Variants in PARD3B observed in about 807,000 individuals in gnomAD.
PARD3B encodes the protein partitioning defective 3 homolog B.
In PARD3B, 103 loss-of-function variants were observed where a neutral mutation model predicts 130.2. The ratio of observed to expected loss-of-function variants is 0.79; its 90% CI spans 0.67 to 0.93. PARD3B has a LOEUF of 0.93. PARD3B is among the 40% of genes least tolerant of loss of function. The probability of loss-of-function intolerance (pLI) is 0.00; values close to 1 mark genes in which losing one functional copy is unlikely to be tolerated. For missense variants in PARD3B, 1,609 were observed against 1,499.2 expected (o/e 1.07, Z -1.21); for synonymous variants, 583 against 553.2 (o/e 1.05, Z -0.76).
intron 2 of PARD3B, among the ~76,000 whole-genome samples, chr2:204,697,453 A>C (rs1206382719): frequency 6.6e-6 from 1 of 152,132 alleles, no homozygotes; most frequent in Non-Finnish European, 1.5e-5. Context: ...TTTTCAGCTG[A>C]ATATAATGAA....
chr2:205,421,837 G>A lies in PARD3B; in HGVS notation c.2742-18533G>A. Among the ~76,000 whole-genome samples, 1 of 152,090 alleles carries A rather than the reference G, an allele frequency of 6.6e-6. No individual in the cohort carries two copies. Among genetic ancestry groups the A allele is most frequent in the Non-Finnish European group, 1.5e-5 (1 of 68,014 alleles). On this transcript the variant is annotated intron_variant, in intron 19 of 22. Coordinates refer to ENST00000406610, the MANE Select transcript of PARD3B (RefSeq NM_001302769.2). The surrounding 1 kb of genome is among the most constrained non-coding windows in gnomAD (Gnocchi z 5.1). ...TTGGCTGCCTATGTTCCTGGCTCAT[G>A]GCTCCTTCTGCCATTTTTAAAGTGC...
chr2:204,604,005 C>A (rs766889152), intron 1 of PARD3B, among the ~76,000 whole-genome samples: 16 of 152,118 alleles, frequency 1.1e-4, no homozygotes. Flanking sequence ...GTCCTACCTG[C>A]TGGGTGAGTA....
intron 22 of PARD3B, among the ~76,000 whole-genome samples, chr2:205,610,378 A>T (rs781772578): frequency 2.9e-4 from 44 of 152,196 alleles, no homozygotes; most frequent in Admixed American, 3.9e-4. Context: ...TGAAATACAT[A>T]AAGATGTTCC....
chr2:205,178,871 T>C (rs1446132615), intron 13 of PARD3B, among the ~76,000 whole-genome samples: 1 of 152,234 alleles, frequency 6.6e-6, no homozygotes, highest in Admixed American at 6.5e-5. Flanking sequence ...TATACTATAA[T>C]TTTTATCATC....
chr2:205,431,960 T>C (rs1189048570), intron 19 of PARD3B, among the ~76,000 whole-genome samples: 2 of 152,146 alleles, frequency 1.3e-5, no homozygotes, highest in African/African-American at 2.4e-5. Flanking sequence ...AGTTAAGACT[T>C]CTGTACATTA....
At chr2:204,868,120 A>T (rs758260400) in intron 2 of PARD3B, among the ~76,000 whole-genome samples, 1 of 152,176 alleles carries the variant, frequency 6.6e-6, no homozygotes, top group South Asian at 2.1e-4. Flanking sequence ...TGAAGGGTCT[A>T]TGTGAATGAC....
intron 21 of PARD3B, among the ~76,000 whole-genome samples, chr2:205,549,572 C>T (rs2052526973): frequency 1.3e-5 from 2 of 152,174 alleles, no homozygotes; most frequent in African/African-American, 2.4e-5. Context: ...AACTATATGA[C>T]ACTCTGGAAT....
In PARD3B at chr2:205,128,206, C is replaced by T. The variant is rs558671071; in HGVS notation, c.1434+2469C>T. ...TAAAAACAGAAATATTTCAGGCAGC[C>T]CCTGAGCATGCAAAAGAATGCAACC... On this transcript the variant is annotated intron_variant, in intron 10 of 22. Transcript: ENST00000406610. This position sits in a 1 kb window ranked among gnomAD's most constrained non-coding sequence, Gnocchi z 4.5. Among the ~76,000 whole-genome samples the T allele has an allele frequency of 6.6e-6, 1 of 152,254 alleles. No homozygotes were observed. The highest frequency in any genetic ancestry group is 2.1e-4 in the South Asian group (1 of 4,816).
At chr2:205,565,604 G>A (rs980716698) in intron 22 of PARD3B, among the ~76,000 whole-genome samples, 2 of 152,110 alleles carry the variant, frequency 1.3e-5, no homozygotes, top group Non-Finnish European at 2.9e-5. Flanking sequence ...GAATTCCTCA[G>A]TTTGTCCTTT....
At chr2:204,902,683 A>C (rs1053484468) in intron 2 of PARD3B, among the ~76,000 whole-genome samples, 23 of 151,670 alleles carry the variant, frequency 1.5e-4, no homozygotes, top group African/African-American at 5.6e-4. Flanking sequence ...AAAAAAAAAA[A>C]AAAAAAAAAG....
At chr2:204,948,062 C>G (rs1425464370) in intron 2 of PARD3B, among the ~76,000 whole-genome samples, 1 of 152,152 alleles carries the variant, frequency 6.6e-6, no homozygotes, top group African/African-American at 2.4e-5. Context: ...GGAATACTTC[C>G]TGTTGTAAGG....
intron 21 of PARD3B, among the ~76,000 whole-genome samples, chr2:205,549,576 C>A (rs2052527220): frequency 6.6e-6 from 1 of 152,108 alleles, no homozygotes; most frequent in African/African-American, 2.4e-5. Context: ...ATATGACACT[C>A]TGGAATTGAC....
chr2:205,176,334 A>AATAG lies in PARD3B; in HGVS notation c.1792-109_1792-106dup. ...TTTCCACAGTTGAGGACTTAAGTGT[A>AATAG]ATAGACTCTTGAAAGACTATTCATA... is the stretch of plus-strand genomic sequence containing the variant. On this transcript the variant is annotated intron_variant, in intron 12 of 22. Coordinates refer to ENST00000406610, the MANE Select transcript of PARD3B (RefSeq NM_001302769.2). The surrounding 1 kb of genome is among the most constrained non-coding windows in gnomAD (Gnocchi z 5.3). The AATAG allele has an allele frequency of 9.1e-7, 1 of 1,099,806 alleles. No homozygotes were observed. The highest frequency in any genetic ancestry group is 1.3e-6 in the Non-Finnish European group (1 of 790,564). The allele number at this position is 1,099,806 out of a possible 1,614,324, so 68.1% of individuals were successfully genotyped here.
At position 205,615,598 on chromosome 2, in the gene PARD3B, G is replaced by A; in HGVS notation, c.3403G>A (p.Ala1135Thr). 1 of 1,613,946 alleles carries A rather than the reference G, an allele frequency of 6.2e-7. No homozygotes were observed. Among genetic ancestry groups the A allele is most frequent in the African/African-American group, 1.3e-5 (1 of 74,990 alleles). ...TCCCCGCCCCACAGAGCTCAGGGTG[G>A]CAGATCTCCGGTATCCTCAGCACTA... ...SYPRPTELRV[A>T]DLRYPQHYPP... is the part of the protein sequence containing the mutation. Residue 1135 changes from alanine (A) to threonine (T), a missense_variant, in exon 23 of 23, where the codon GCA becomes ACA. Ala to Thr is a moderately conservative substitution (Grantham distance 58). Coordinates refer to ENST00000406610, the MANE Select transcript of PARD3B (RefSeq NM_001302769.2).
chr2:205,260,747 T>C (rs1018164621), intron 16 of PARD3B, among the ~76,000 whole-genome samples: 3 of 152,140 alleles, frequency 2.0e-5, no homozygotes, highest in Non-Finnish European at 2.9e-5. Flanking sequence ...TGGTGATTTT[T>C]TTTAATTGTT....
At chr2:205,426,165 T>C (rs934774806) in intron 19 of PARD3B, among the ~76,000 whole-genome samples, 2 of 152,156 alleles carry the variant, frequency 1.3e-5, no homozygotes, top group African/African-American at 4.8e-5. Flanking sequence ...AAAATATTAA[T>C]GCAGTTAAAA....
At position 204,678,265 on chromosome 2, in the gene PARD3B, A is replaced by G. The variant is rs1466957480; in HGVS notation, c.121-7916A>G. Among the ~76,000 whole-genome samples, 1 of 152,144 alleles carries G rather than the reference A, an allele frequency of 6.6e-6. No homozygotes were observed. Among genetic ancestry groups the G allele is most frequent in the Non-Finnish European group, 1.5e-5 (1 of 68,028 alleles). ...CCCAGTAACCGGGCCCGTGGTAGCA[A>G]TCAGTGGTTGCCCGCAACTTCTGGA... On this transcript the variant is annotated intron_variant, in intron 1 of 22. Coordinates refer to ENST00000406610, the MANE Select transcript of PARD3B (RefSeq NM_001302769.2). This position sits in a 1 kb window ranked among gnomAD's most constrained non-coding sequence, Gnocchi z 4.2.
chr2:204,615,648 G>A (rs1289178818), intron 1 of PARD3B, among the ~76,000 whole-genome samples: 2 of 152,056 alleles, frequency 1.3e-5, no homozygotes, highest in Non-Finnish European at 1.5e-5. Context: ...GAAGCGACAG[G>A]CTTACTGTGT....
chr2:204,747,527 A>G (rs1169236114), intron 2 of PARD3B, among the ~76,000 whole-genome samples: 2 of 152,180 alleles, frequency 1.3e-5, no homozygotes, highest in Non-Finnish European at 2.9e-5. Flanking sequence ...TATAGATTCA[A>G]TGCCATCCCC....
Sources: gnomAD v4.1 joint callset for allele counts (sites outside exome capture counted in the v4.1 genomes callset) on GRCh38, gnomAD v4.1.1 for gene constraint, Gnocchi (gnomAD v3.1) non-coding constraint, MANE v1.5 for transcripts, NCBI Gene and HGNC (gene_info 2026-07-23, HGNC 2026-07-21) for gene names.